Variants in OR4K17 observed in about 807,000 individuals in gnomAD.
OR4K17 encodes olfactory receptor 4K17.
For missense variants in OR4K17, 480 were observed against 366.3 expected, an observed-to-expected ratio of 1.31 and a Z score of -2.53; for synonymous variants, 157 against 132.8, an observed-to-expected ratio of 1.18 and a Z score of -1.25.
chr14:20,111,858 TC>T (rs1167188411), intron 1 of OR4K17: 1 of 152,104 alleles, frequency 6.6e-6, no homozygotes, highest in Non-Finnish European at 1.5e-5. Flanking sequence ...CCATCCATAA[TC>T]ACCTCCAATT....
At chr14:20,114,974 C>T (rs1877955611) in intron 1 of OR4K17, among the ~76,000 whole-genome samples, 1 of 151,924 alleles carries the variant, frequency 6.6e-6, no homozygotes, top group African/African-American at 2.4e-5. Flanking sequence ...TTAAACAAGC[C>T]ACTGTCAAGC....
chr14:20,115,821 C>T (rs181029067), intron 1 of OR4K17, among the ~76,000 whole-genome samples: 2 of 151,966 alleles, frequency 1.3e-5, no homozygotes, highest in African/African-American at 4.8e-5. Context: ...GGCCCTGGAG[C>T]AAAGATAATG....
intron 1 of OR4K17, among the ~76,000 whole-genome samples, chr14:20,111,246 T>C (rs1326433599): frequency 6.6e-6 from 1 of 151,180 alleles, no homozygotes; most frequent in East Asian, 1.9e-4. Context: ...TTCACAAACT[T>C]GGGAGGAAGA....
At position 20,118,671 on chromosome 14, in the gene OR4K17, AG is replaced by A; in HGVS notation, c.*234del. 2.9e-6 allele frequency: 1 copy of A among 340,512 alleles called. No individual in the cohort carries two copies. Among genetic ancestry groups the A allele is most frequent in the Non-Finnish European group, 5.3e-6 (1 of 187,008 alleles). 21.1% of individuals were successfully genotyped at this position (340,512 alleles called of 1,614,324 possible). ...TCAGCGGGTTCCGTGATGCCCCCCA[AG>A]CTGCAAAACCAGCAAGTTTTTATTA... On this transcript the variant is annotated 3_prime_UTR_variant, in exon 2 of 2. Coordinates refer to ENST00000641386, the MANE Select transcript of OR4K17 (RefSeq NM_001004715.5).
chr14:20,117,418 T>G (rs1835931167), intron 1 of OR4K17, 50 bp from the exon 2 acceptor site: 1 of 1,582,644 alleles, frequency 6.3e-7, no homozygotes, highest in Non-Finnish European at 8.5e-7. Flanking sequence ...TGGCTCTTTA[T>G]TTTTCACTCA....
rs1384842751 is a variant in OR4K17, at chr14:20,120,096, T to A, written c.*1658T>A. On this transcript the variant is annotated 3_prime_UTR_variant, in exon 2 of 2. Coordinates refer to ENST00000641386, the MANE Select transcript of OR4K17 (RefSeq NM_001004715.5). ...CTTGATAGATATGTACTTTGTTTAG[T>A]TGTTACAATGGCTTTTGATGTAAAT... 6.6e-6 allele frequency: 1 copy of A among 152,228 alleles called. No homozygotes were observed. Among genetic ancestry groups the A allele is most frequent in the East Asian group, 1.9e-4 (1 of 5,198 alleles). The allele number at this position is 152,228 out of a possible 1,614,324, so 9.4% of individuals were successfully genotyped here.
At position 20,120,612 on chromosome 14, in the gene OR4K17, C is replaced by T. The variant is rs1460102337; in HGVS notation, c.*2174C>T. 1.3e-5 allele frequency: 2 copies of T among 152,250 alleles called. No homozygotes were observed. The highest frequency in any genetic ancestry group is 2.9e-5 in the Non-Finnish European group (2 of 68,096). 9.4% of individuals were successfully genotyped at this position (152,250 alleles called of 1,614,324 possible). A position where few individuals can be genotyped will look rare whatever the true frequency, so the allele number is the denominator to read the frequency against. On this transcript the variant is annotated 3_prime_UTR_variant, in exon 2 of 2. Coordinates refer to ENST00000641386, the MANE Select transcript of OR4K17 (RefSeq NM_001004715.5). ...CATACTTCCGTCACAAGGTCCCCAGCTATTTCAAAAGCACCTGCACCTTGC... is the reference window on the plus strand; with the variant it reads ...CATACTTCCGTCACAAGGTCCCCAGTTATTTCAAAAGCACCTGCACCTTGC...
chr14:20,116,022 G>A (rs1213919169), intron 1 of OR4K17, among the ~76,000 whole-genome samples: 1 of 152,072 alleles, frequency 6.6e-6, no homozygotes, highest in Non-Finnish European at 1.5e-5. Context: ...GATAATAATA[G>A]GCACATTAAA....
chr14:20,112,945 C>T (rs1371221893), intron 1 of OR4K17, among the ~76,000 whole-genome samples: 2 of 151,900 alleles, frequency 1.3e-5, no homozygotes, highest in Non-Finnish European at 2.9e-5. Context: ...TGTAGGCATC[C>T]AAGTGTTCTC....
Position 20,117,459 on chromosome 14 carries a change from T to G in OR4K17, c.-32-9T>G. 6.2e-7 allele frequency: 1 copy of G among 1,611,458 alleles called. No individual in the cohort carries two copies. Among genetic ancestry groups the G allele is most frequent in the Non-Finnish European group, 8.5e-7 (1 of 1,179,188 alleles). On this transcript the variant is annotated splice_polypyrimidine_tract_variant and intron_variant, in intron 1 of 1. Transcript: ENST00000641386. The stretch of plus-strand genomic sequence containing the variant: ...CATGGTATGAGTGATCTTTTCTTTC[T>G]CTCTACAGGTCATCCAAGAGCGAGC...
At position 20,110,825 on chromosome 14, in the gene OR4K17, T is replaced by G. The variant is rs1877867607; in HGVS notation, c.-100T>G. On this transcript the variant is annotated 5_prime_UTR_variant, in exon 1 of 2. Transcript: ENST00000641386. ...CTTGTTTCTTCTATGGAACTATAAG[T>G]TGAGAAGGTGCATGCCCTTCTCGAT... The G allele has an allele frequency of 6.6e-6, 1 of 151,990 alleles. No individual in the cohort carries two copies. Among genetic ancestry groups the G allele is most frequent in the African/African-American group, 2.4e-5 (1 of 41,406 alleles). The allele number at this position is 151,990 out of a possible 1,614,324, so 9.4% of individuals were successfully genotyped here. A position where few individuals can be genotyped will look rare whatever the true frequency, so the allele number is the denominator to read the frequency against.
Position 20,117,555 on chromosome 14 carries a change from G to GCTC in OR4K17, c.58_60dup (p.Ser20dup). On this transcript the variant is annotated inframe_insertion, in exon 2 of 2. Coordinates refer to ENST00000641386, the MANE Select transcript of OR4K17 (RefSeq NM_001004715.5). The stretch of plus-strand genomic sequence containing the variant: ...GAATTCATTTTGCTGGGACTGACCA[G>GCTC]CTCCCAGGATGTAGAGTTTCTTCTC... 1 of 1,613,904 alleles carries GCTC rather than the reference G, an allele frequency of 6.2e-7. No individual in the cohort carries two copies. Among genetic ancestry groups the GCTC allele is most frequent in the South Asian group, 1.1e-5 (1 of 91,052 alleles).
At position 20,121,917 on chromosome 14, in the gene OR4K17, C is replaced by A. The variant is rs1394427613; in HGVS notation, c.*3479C>A. 1 of 151,994 alleles carries A rather than the reference C, an allele frequency of 6.6e-6. No individual in the cohort carries two copies. The highest frequency in any genetic ancestry group is 1.5e-5 in the Non-Finnish European group (1 of 67,950). The allele number at this position is 151,994 out of a possible 1,614,324, so 9.4% of individuals were successfully genotyped here. ...ATACAAAATTTTAAAACAAGTATAA[C>A]AACTATTTACATTTTATTTGATATT... On this transcript the variant is annotated 3_prime_UTR_variant, in exon 2 of 2. Coordinates refer to ENST00000641386, the MANE Select transcript of OR4K17 (RefSeq NM_001004715.5).
chr14:20,111,160 T>C (rs1186097372), intron 1 of OR4K17, among the ~76,000 whole-genome samples: 1 of 152,064 alleles, frequency 6.6e-6, no homozygotes, highest in Non-Finnish European at 1.5e-5. Flanking sequence ...GAATTTATTA[T>C]CATTTGGAAA....
chr14:20,121,913 A>G lies in OR4K17; in HGVS notation c.*3475A>G, dbSNP rs539192028. Reference sequence around the variant, plus strand: ...AATAATACAAAATTTTAAAACAAGTATAACAACTATTTACATTTTATTTGA... The same window carrying G: ...AATAATACAAAATTTTAAAACAAGTGTAACAACTATTTACATTTTATTTGA... On this transcript the variant is annotated 3_prime_UTR_variant, in exon 2 of 2. Coordinates refer to ENST00000641386, the MANE Select transcript of OR4K17 (RefSeq NM_001004715.5). 6.6e-6 allele frequency: 1 copy of G among 152,248 alleles called. No homozygotes were observed. The highest frequency in any genetic ancestry group is 1.9e-4 in the East Asian group (1 of 5,190). The allele number at this position is 152,248 out of a possible 1,614,324, so 9.4% of individuals were successfully genotyped here.
chr14:20,117,610 C>G lies in OR4K17; in HGVS notation c.111C>G (p.Val37=). The G allele has an allele frequency of 6.2e-7, 1 of 1,613,858 alleles. No homozygotes were observed. Among genetic ancestry groups the G allele is most frequent in the Non-Finnish European group, 8.5e-7 (1 of 1,179,892 alleles). ...CCCTCTTCTCGGTTATCTATGTGGT[C>G]ACAGTTTTGGGTAACCTTCTTATTA... ...LFALFSVIYV[V]TVLGNLLIIV... The change falls in exon 2 of 2, where the codon GTC becomes GTG. Residue 37 remains valine, a synonymous_variant. Coordinates refer to ENST00000641386, the MANE Select transcript of OR4K17 (RefSeq NM_001004715.5).
rs1463668752 is a variant in OR4K17 at position 20,122,173 on chromosome 14, A to G, written c.*3735A>G. 1.3e-5 allele frequency: 2 copies of G among 152,076 alleles called. No homozygotes were observed. The highest frequency in any genetic ancestry group is 2.4e-5 in the African/African-American group (1 of 41,460). The allele number at this position is 152,076 out of a possible 1,614,324, so 9.4% of individuals were successfully genotyped here. On this transcript the variant is annotated 3_prime_UTR_variant, in exon 2 of 2. Transcript: ENST00000641386. ...TGAACAAAAGACACAGAGTGGCTAA[A>G]TGAATAAAAAGATAAAACCCAACTA...
At chr14:20,112,903 A>C (rs1276557684) in intron 1 of OR4K17, among the ~76,000 whole-genome samples, 1 of 152,090 alleles carries the variant, frequency 6.6e-6, no homozygotes, top group East Asian at 1.9e-4. Flanking sequence ...AATAATGATG[A>C]AAAATAATTA....
At chr14:20,114,458 A>C (rs887288001) in intron 1 of OR4K17, among the ~76,000 whole-genome samples, 2 of 151,976 alleles carry the variant, frequency 1.3e-5, no homozygotes, top group Non-Finnish European at 2.9e-5. Flanking sequence ...TGGCATATCC[A>C]ATTTTTCTAG....
Sources: allele counts gnomAD v4.1 joint callset (sites outside exome capture counted in the v4.1 genomes callset), GRCh38; gene constraint gnomAD v4.1.1; transcripts MANE v1.5; gene names NCBI Gene and HGNC (gene_info 2026-07-23, HGNC 2026-07-21).